SH3PXD2B: variants seen among roughly 807,000 people sequenced by gnomAD.
SH3PXD2B encodes the protein SH3 and PX domain-containing protein 2B.
In SH3PXD2B, 37 loss-of-function variants were observed where a neutral mutation model predicts 73.1. That is an observed-to-expected ratio of 0.51 (90% confidence interval 0.39 to 0.67). The LOEUF is 0.67. Ranked by LOEUF, SH3PXD2B falls within the 30% of genes least tolerant of loss-of-function variation. The pLI is 0.00. For missense variants in SH3PXD2B, 1,053 were observed against 1,197.8 expected, an observed-to-expected ratio of 0.88 and a Z score of 1.78; for synonymous variants, 457 against 480.5, an observed-to-expected ratio of 0.95 and a Z score of 0.64.
At chr5:172,383,246 G>A (rs1007506457) in intron 4 of SH3PXD2B, among the ~76,000 whole-genome samples, 1 of 152,200 alleles carries the variant, frequency 6.6e-6, no homozygotes, top group African/African-American at 2.4e-5. Flanking sequence ...AAGTTGATGA[G>A]GGGTTGAAAC....
chr5:172,350,512 C>T lies in SH3PXD2B; in HGVS notation c.863G>A (p.Gly288Asp). 6.2e-7 allele frequency: 1 copy of T among 1,614,148 alleles called. No homozygotes were observed. Among genetic ancestry groups the T allele is most frequent in the Non-Finnish European group, 8.5e-7 (1 of 1,180,016 alleles). ...NSGEPLPPKP[G>D]PGSPSHPGAL... ...ACCCGGGTGGGAGGGTGAGCCAGGG[C>T]CTGGCTTCGGGGGCAAGGGCTCCCC... Residue 288 changes from glycine (G) to aspartate (D), a missense_variant, in exon 10 of 13, where the codon GGC becomes GAC. This residue lies in a region of SH3PXD2B where 466 missense variants were observed against 607.1 expected (regional missense o/e 0.77). Coordinates refer to ENST00000311601, the MANE Select transcript of SH3PXD2B (RefSeq NM_001017995.3).
chr5:172,382,187 G>C, intron 4 of SH3PXD2B, 60 bp from the exon 5 acceptor site: 1 of 1,373,828 alleles, frequency 7.3e-7, no homozygotes, highest in Non-Finnish European at 1.0e-6. Flanking sequence ...ATGGTGGCAC[G>C]CGCCTATAAT....
At chr5:172,439,238 G>GAAAAAAAAAAAAAA (rs922645535) in intron 1 of SH3PXD2B, among the ~76,000 whole-genome samples, 1 of 33,234 alleles carries the variant, frequency 3.0e-5, no homozygotes, top group Non-Finnish European at 6.4e-5. Context: ...AGAAAAAACA[G>GAAAAAAAAAAAAAA]AAAAAAAAAA....
chr5:172,337,248 C>G lies in SH3PXD2B; in HGVS notation c.*1121G>C. ...GCAGCCACGAATGCCCCCTCACCCC[C>G]CTCACAATGAAGCCACTTGGCCACC... On this transcript the variant is annotated 3_prime_UTR_variant, in exon 13 of 13. Coordinates refer to ENST00000311601, the MANE Select transcript of SH3PXD2B (RefSeq NM_001017995.3). 1.0e-6 allele frequency: 1 copy of G among 985,758 alleles called. No homozygotes were observed. The highest frequency in any genetic ancestry group is 1.2e-6 in the Non-Finnish European group (1 of 830,200). The allele number at this position is 985,758 out of a possible 1,614,324, so 61.1% of individuals were successfully genotyped here.
At chr5:172,449,081 G>A (rs1251717757) in intron 1 of SH3PXD2B, among the ~76,000 whole-genome samples, 1 of 152,144 alleles carries the variant, frequency 6.6e-6, no homozygotes, top group Non-Finnish European at 1.5e-5. Context: ...CTAGGCTTCT[G>A]GAGCCTGGCA....
Position 172,353,781 on chromosome 5 carries a change from G to T in SH3PXD2B, c.785+107C>A. ...ATGGTTCAGGCGGAAACTTCGCCCA[G>T]ATGCAATCACTTACCGACCTCTGTG... On this transcript the variant is annotated intron_variant, in intron 9 of 12. Transcript: ENST00000311601. This position sits in a 1 kb window ranked among gnomAD's most constrained non-coding sequence, Gnocchi z 4.3. The T allele has an allele frequency of 2.3e-6, 2 of 876,898 alleles. No individual in the cohort carries two copies. Among genetic ancestry groups the T allele is most frequent in the Non-Finnish European group, 3.9e-6 (2 of 511,480 alleles). 54.3% of individuals were successfully genotyped at this position (876,898 alleles called of 1,614,324 possible).
At chr5:172,409,707 T>TC (rs1561927917) in intron 2 of SH3PXD2B, among the ~76,000 whole-genome samples, 1 of 152,210 alleles carries the variant, frequency 6.6e-6, no homozygotes, top group African/African-American at 2.4e-5. Flanking sequence ...ATTTTCTTTT[T>TC]CTTTTTCTTT....
chr5:172,425,538 C>T (rs538827142), intron 1 of SH3PXD2B, among the ~76,000 whole-genome samples: 24 of 152,016 alleles, frequency 1.6e-4, no homozygotes, highest in Non-Finnish European at 2.2e-4. Flanking sequence ...AAAGTGGGAA[C>T]GAAGATGTGG....
rs376147950 is a variant in SH3PXD2B at position 172,382,273 on chromosome 5, G to A, written c.310-146C>T. 24 of 610,202 alleles carry A rather than the reference G, an allele frequency of 3.9e-5. 1 individual carries two copies. Among genetic ancestry groups the A allele is most frequent in the Admixed American group, 2.0e-4 (7 of 34,740 alleles). The allele number at this position is 610,202 out of a possible 1,614,324, so 37.8% of individuals were successfully genotyped here. A position where few individuals can be genotyped will look rare whatever the true frequency, so the allele number is the denominator to read the frequency against. On this transcript the variant is annotated intron_variant, in intron 4 of 12. Transcript: ENST00000311601. Reference sequence around the variant, plus strand: ...GGAGGTTGCAGTGAGCTGAGATCGCGCCACTGCACTCCAGACTGGGTGACA... The same window carrying A: ...GGAGGTTGCAGTGAGCTGAGATCGCACCACTGCACTCCAGACTGGGTGACA...
At chr5:172,395,929 T>G (rs1200708296) in intron 3 of SH3PXD2B, among the ~76,000 whole-genome samples, 1 of 151,932 alleles carries the variant, frequency 6.6e-6, no homozygotes, top group African/African-American at 2.4e-5. Context: ...AGGAGGTTGG[T>G]TAAAAAGAGG....
chr5:172,415,542 T>C (rs1170120930), intron 2 of SH3PXD2B, among the ~76,000 whole-genome samples: 1 of 152,208 alleles, frequency 6.6e-6, no homozygotes, highest in Non-Finnish European at 1.5e-5. Flanking sequence ...TGAGCTTCAG[T>C]TTCCCCATCT....
chr5:172,447,544 AC>A (rs1290474540), intron 1 of SH3PXD2B, among the ~76,000 whole-genome samples: 11 of 152,172 alleles, frequency 7.2e-5, no homozygotes, highest in Admixed American at 5.9e-4. Flanking sequence ...TTTAACTCTC[AC>A]ATTAGCCCTA....
In SH3PXD2B at chr5:172,339,637, C is replaced by T. The variant is rs1369540626; in HGVS notation, c.1468G>A (p.Gly490Ser). The T allele has an allele frequency of 3.1e-6, 5 of 1,614,248 alleles. No homozygotes were observed. The stretch of plus-strand genomic sequence containing the variant: ...GCCTTCCTCAGGACATCCTTACTGC[C>T]CTTCCAGTCTTTAGACCATGGCAAC... The part of the protein sequence containing the change: ...SGLPWSKDWK[G>S]SKDVLRKASS... Residue 490 changes from glycine to serine, a missense_variant, in exon 13 of 13, where the codon GGC becomes AGC. Transcript: ENST00000311601. This position sits in a 1 kb window ranked among gnomAD's most constrained non-coding sequence, Gnocchi z 6.1.
At chr5:172,354,361 T>C (rs1757226486) in intron 8 of SH3PXD2B, among the ~76,000 whole-genome samples, 1 of 152,244 alleles carries the variant, frequency 6.6e-6, no homozygotes, top group Non-Finnish European at 1.5e-5. Flanking sequence ...AATTACCTTG[T>C]AACACGACAT....
At chr5:172,422,644 G>C in intron 1 of SH3PXD2B, 148 bp from the exon 2 acceptor site, 4 of 736,006 alleles carry the variant, frequency 5.4e-6, no homozygotes, top group South Asian at 1.5e-5. Context: ...GTTGCTTGCT[G>C]TAAGACTCAT....
intron 1 of SH3PXD2B, among the ~76,000 whole-genome samples, chr5:172,439,267 AAACAAAAACAAAACAAAAAAAAAACCC>A (rs1759478114): frequency 3.2e-5 from 2 of 62,878 alleles, no homozygotes; most frequent in African/African-American, 1.3e-4. Flanking sequence ...AAAAAAACAA[AAACAAAAACAAAACAAAAAAAAAACCC>A]CAAAAAAAAA....
At position 172,338,664 on chromosome 5, in the gene SH3PXD2B, C is replaced by T. The variant is rs776509593; in HGVS notation, c.2441G>A (p.Gly814Asp). 3 of 1,614,174 alleles carry T rather than the reference C, an allele frequency of 1.9e-6. No homozygotes were observed. The highest frequency in any genetic ancestry group is 1.3e-5 in the African/African-American group (1 of 75,060). The change falls in exon 13 of 13, where the codon GGC becomes GAC. Residue 814 changes from glycine (G) to aspartate (D), a missense_variant. Coordinates refer to ENST00000311601, the MANE Select transcript of SH3PXD2B (RefSeq NM_001017995.3). The surrounding 1 kb of genome is among the most constrained non-coding windows in gnomAD (Gnocchi z 5.1). The part of the protein sequence containing the change: ...AKPFLSNSLG[G>D]QDDTRGKGSL... ...GCCTTTGCCTCGCGTGTCATCCTGG[C>T]CCCCCAAAGAGTTGGAGAGAAAAGG...
chr5:172,387,965 G>A (rs1758094233), intron 4 of SH3PXD2B, among the ~76,000 whole-genome samples: 1 of 152,114 alleles, frequency 6.6e-6, no homozygotes, highest in Middle Eastern at 3.2e-3. Context: ...GATTTCATGT[G>A]TGGTGTGAGG....
intron 1 of SH3PXD2B, among the ~76,000 whole-genome samples, chr5:172,422,932 C>G (rs1413784564): frequency 6.6e-6 from 1 of 152,206 alleles, no homozygotes; most frequent in Non-Finnish European, 1.5e-5. Flanking sequence ...CATGCTGTCT[C>G]CACCGACGAG....
Sources: gnomAD v4.1 joint callset for allele counts (sites outside exome capture counted in the v4.1 genomes callset) on GRCh38, gnomAD v4.1.1 for gene constraint, gnomAD v4.1.1 regional missense constraint, Gnocchi (gnomAD v3.1) non-coding constraint, MANE v1.5 for transcripts, NCBI Gene and HGNC (gene_info 2026-07-23, HGNC 2026-07-21) for gene names.